Variants in CDH23 observed in about 807,000 individuals in gnomAD.
CDH23 encodes the protein cadherin related 23, also known as cadherin-23.
In CDH23, 189 loss-of-function variants were observed where a neutral mutation model predicts 317.1. The observed-to-expected ratio is 0.60, with a 90% CI of 0.53 to 0.67. The LOEUF (loss-of-function observed/expected upper bound fraction) is 0.67. Among genes scored for constraint, CDH23 ranks in the 30% least tolerant of loss-of-function variants. CDH23 has a pLI of 0.00. For missense variants in CDH23, 4,401 were observed against 4,592.4 expected (o/e 0.96, Z 1.20); for synonymous variants, 1,839 against 1,876.8 (o/e 0.98, Z 0.52).
intron 51 of CDH23, 63 bp downstream of exon 51, chr10:71,799,343 T>C (rs1841492875): frequency 1.2e-6 from 2 of 1,609,736 alleles, no homozygotes; most frequent in Admixed American, 3.3e-5. Flanking sequence ...TCTTTGGGCA[T>C]CTTCCTCTCC....
chr10:71,815,621 C>G lies in CDH23; in HGVS notation c.*343C>G, dbSNP rs1470472672. 1 of 219,802 alleles carries G rather than the reference C, an allele frequency of 4.5e-6. No individual in the cohort carries two copies. The highest frequency in any genetic ancestry group is 9.0e-6 in the Non-Finnish European group (1 of 111,098). 13.6% of individuals were successfully genotyped at this position (219,802 alleles called of 1,614,324 possible). A position where few individuals can be genotyped will look rare whatever the true frequency, so the allele number is the denominator to read the frequency against. On this transcript the variant is annotated 3_prime_UTR_variant, in exon 70 of 70. Coordinates refer to ENST00000224721, the MANE Select transcript of CDH23 (RefSeq NM_022124.6). ...GAAAGAGGCCAAACAGGCCCTCCTC[C>G]CTCCCAGCTCCACCCCGCAAGCACC...
intron 14 of CDH23, chr10:71,647,708 C>T (rs10999929): frequency 0.17 from 26,240 of 152,030 alleles, 2,663 homozygotes; most frequent in East Asian, 0.35. Flanking sequence ...TCTGGTATGC[C>T]GGGGAGGGAT....
intron 1 of CDH23, among the ~76,000 whole-genome samples, chr10:71,425,371 AGAAGGAAGGAAGGAAG>A (rs71012285): frequency 1.3e-3 from 110 of 82,496 alleles, no homozygotes; most frequent in South Asian, 2.0e-3. Flanking sequence ...AAGAGAGAGG[AGAAGGAAGGAAGGAAG>A]GAAGGAAGGA....
chr10:71,605,148 C>G (rs1023066859), intron 9 of CDH23, among the ~76,000 whole-genome samples: 1 of 151,858 alleles, frequency 6.6e-6, no homozygotes, highest in Non-Finnish European at 1.5e-5. Context: ...TGTGCAATTC[C>G]GCGGCATTAA....
At chr10:71,475,787 C>A (rs530311217) in intron 3 of CDH23, among the ~76,000 whole-genome samples, 2 of 152,180 alleles carry the variant, frequency 1.3e-5, no homozygotes, top group Non-Finnish European at 2.9e-5. Flanking sequence ...CCCTGAGGGG[C>A]GGAGGCTGGA....
At chr10:71,808,044 G>T in intron 60 of CDH23, 37 bp downstream of exon 60, 1 of 1,559,194 alleles carries the variant, frequency 6.4e-7, no homozygotes, top group South Asian at 1.2e-5. Context: ...CTCTAGCCAT[G>T]ACCTCTCAGT....
intron 9 of CDH23, among the ~76,000 whole-genome samples, chr10:71,588,101 G>A (rs1003283418): frequency 2.6e-5 from 4 of 152,272 alleles, no homozygotes; most frequent in Admixed American, 2.0e-4. Context: ...GGTACCCTGC[G>A]GAGAGGGTGA....
chr10:71,788,408 T>C (rs545198406), intron 44 of CDH23, among the ~76,000 whole-genome samples: 18 of 152,288 alleles, frequency 1.2e-4, no homozygotes, highest in Admixed American at 9.2e-4. Flanking sequence ...GGTACCTCAC[T>C]GTGGCTTATT....
chr10:71,582,284 G>C (rs1198668292), intron 9 of CDH23, among the ~76,000 whole-genome samples: 1 of 152,208 alleles, frequency 6.6e-6, no homozygotes, highest in Non-Finnish European at 1.5e-5. Context: ...CTGGGCACTT[G>C]AAGTGCGGCT....
rs182759588 is a variant in CDH23, at chr10:71,456,273, C to T, written c.145+9878C>T. 8.0e-3 allele frequency among the ~76,000 whole-genome samples: 1,215 copies of T among 151,408 alleles called. 6 individuals are homozygous for T. The highest frequency in any genetic ancestry group is 0.011 in the Non-Finnish European group (772 of 67,850). On this transcript the variant is annotated intron_variant, in intron 3 of 69. Coordinates refer to ENST00000224721, the MANE Select transcript of CDH23 (RefSeq NM_022124.6). ...CAGGGCTTTGGGCTCTTGGTGCCCT[C>T]ACAGAAGGGAGGACTTTTCTCTCCC... is the stretch of plus-strand genomic sequence containing the variant.
intron 38 of CDH23, among the ~76,000 whole-genome samples, chr10:71,774,145 C>T (rs911042084): frequency 2.6e-5 from 4 of 152,214 alleles, no homozygotes; most frequent in Non-Finnish European, 5.9e-5. Context: ...GGGACACACA[C>T]AGATATGCAG....
rs370227047 is a variant in CDH23 at position 71,532,537 on chromosome 10, G to A, written c.429+21325G>A. ...TCTGTGCCAGCCAGGCACACCCCACGGCAGAAGCCCTCCCAGAGGGGCCCT... is the reference window on the plus strand; with the variant it reads ...TCTGTGCCAGCCAGGCACACCCCACAGCAGAAGCCCTCCCAGAGGGGCCCT... On this transcript the variant is annotated intron_variant, in intron 6 of 69. Coordinates refer to ENST00000224721, the MANE Select transcript of CDH23 (RefSeq NM_022124.6). Among the ~76,000 whole-genome samples, 13 of 152,198 alleles carry A rather than the reference G, an allele frequency of 8.5e-5. 2 individuals are homozygous for A. Among genetic ancestry groups the A allele is most frequent in the Admixed American group, 3.9e-4 (6 of 15,262 alleles).
chr10:71,689,519 G>T (rs1461409501), intron 19 of CDH23, among the ~76,000 whole-genome samples: 2 of 152,166 alleles, frequency 1.3e-5, no homozygotes, highest in African/African-American at 4.8e-5. Flanking sequence ...CTCAAGGCAG[G>T]CCTGAGGGTC....
At chr10:71,654,828 C>A (rs1863347974) in intron 14 of CDH23, among the ~76,000 whole-genome samples, 1 of 152,152 alleles carries the variant, frequency 6.6e-6, no homozygotes, top group Non-Finnish European at 1.5e-5. Flanking sequence ...CCAAGAGATC[C>A]AGACAGAAGC....
intron 38 of CDH23, among the ~76,000 whole-genome samples, chr10:71,775,814 C>A (rs974218727): frequency 6.6e-6 from 1 of 152,142 alleles, no homozygotes; most frequent in Admixed American, 6.5e-5. Context: ...CCCAAATATT[C>A]GAATAAAGAT....
intron 24 of CDH23, 31 bp from the exon 25 acceptor site, chr10:71,704,880 C>A: frequency 1.9e-6 from 3 of 1,557,000 alleles, no homozygotes; most frequent in Non-Finnish European, 1.8e-6. Flanking sequence ...TGTCCCCTCC[C>A]CACCCTCATG....
chr10:71,681,403 G>A (rs537575092), intron 17 of CDH23, among the ~76,000 whole-genome samples: 25 of 152,288 alleles, frequency 1.6e-4, no homozygotes, highest in African/African-American at 5.1e-4. Context: ...CGTGTGCAGT[G>A]GTAGGGATAT....
intron 34 of CDH23, 137 bp downstream of exon 34, chr10:71,734,795 G>A: frequency 1.9e-6 from 1 of 529,702 alleles, no homozygotes; most frequent in South Asian, 1.4e-5. Context: ...CCCCCTCCCA[G>A]TGCCTCCACT....
intron 3 of CDH23, among the ~76,000 whole-genome samples, chr10:71,500,733 G>A (rs1853245089): frequency 6.6e-6 from 1 of 151,880 alleles, no homozygotes. Context: ...CTGACCTTGG[G>A]TAGGTCACTT....
Sources: gnomAD v4.1 joint callset for allele counts (sites outside exome capture counted in the v4.1 genomes callset) on GRCh38, gnomAD v4.1.1 for gene constraint, MANE v1.5 for transcripts, NCBI Gene and HGNC (gene_info 2026-07-23, HGNC 2026-07-21) for gene names.